Variants in MON2 observed in about 807,000 individuals in gnomAD.
MON2 encodes the protein MON2 regulator of endosome-to-Golgi trafficking, also known as protein MON2 homolog.
A neutral mutation model predicts 208.6 loss-of-function variants in MON2; 84 were observed. That is an observed-to-expected ratio of 0.40 (90% CI 0.34 to 0.48). MON2 has a LOEUF of 0.48. Ranked by LOEUF, MON2 falls within the 20% of genes least tolerant of loss-of-function variation. The pLI, the probability that MON2 is intolerant of heterozygous loss-of-function variation, is 0.59. For missense variants in MON2, 1,611 were observed against 2,015.4 expected, an observed-to-expected ratio of 0.80 and a Z score of 3.84; for synonymous variants, 660 against 694.0, an observed-to-expected ratio of 0.95 and a Z score of 0.77.
chr12:62,501,744 T>G, intron 7 of MON2, 46 bp downstream of exon 7: 1 of 1,600,562 alleles, frequency 6.2e-7, no homozygotes. Flanking sequence ...CTGAATTGTT[T>G]TACAGATATT....
At chr12:62,514,995 G>A (rs1592927386) in intron 8 of MON2, among the ~76,000 whole-genome samples, 1 of 152,194 alleles carries the variant, frequency 6.6e-6, no homozygotes, top group Non-Finnish European at 1.5e-5. Flanking sequence ...ACAAGTGTTG[G>A]CAAGGATGTG....
chr12:62,583,974 AC>A (rs2075101810), intron 32 of MON2, among the ~76,000 whole-genome samples: 3 of 147,140 alleles, frequency 2.0e-5, no homozygotes, highest in African/African-American at 5.0e-5. Flanking sequence ...AAAAAAAAAA[AC>A]AAAAAAAAAA....
At chr12:62,570,737 T>C (rs1044630214) in intron 29 of MON2, among the ~76,000 whole-genome samples, 1 of 134,952 alleles carries the variant, frequency 7.4e-6, no homozygotes, top group African/African-American at 2.8e-5. Context: ...TTTTTTTTTT[T>C]TTTTTTTTTT....
intron 1 of MON2, among the ~76,000 whole-genome samples, chr12:62,477,641 C>T (rs1616217): frequency 6.8e-6 from 1 of 147,494 alleles, no homozygotes; most frequent in South Asian, 2.1e-4. Context: ...GTCACGAGCT[C>T]TGAGGCTCAA....
rs2072314810 is a variant in MON2, at chr12:62,526,048, G to A, written c.1346G>A (p.Gly449Glu). The change falls in exon 11 of 35, where the codon GGA (glycine) becomes GAA (glutamate). Residue 449 changes from glycine (G) to glutamate (E), a missense_variant. Transcript: ENST00000393630. ...TTGCTACCAGCATTTGAATATAGGG[G>A]AACCTGGATACCTATTCTGACAATC... ...VTLLPAFEYR[G>E]TWIPILTITV... is the part of the protein sequence containing the mutation. 6.2e-7 allele frequency: 1 copy of A among 1,613,810 alleles called. No individual in the cohort carries two copies. Among genetic ancestry groups the A allele is most frequent in the Non-Finnish European group, 8.5e-7 (1 of 1,179,818 alleles).
intron 2 of MON2, among the ~76,000 whole-genome samples, chr12:62,488,607 A>G (rs2069934053): frequency 6.6e-6 from 1 of 152,144 alleles, no homozygotes; most frequent in Non-Finnish European, 1.5e-5. Context: ...ATTTCAGTGT[A>G]TCACATTTAG....
At chr12:62,556,288 C>A in intron 25 of MON2, 96 bp downstream of exon 25, 2 of 1,170,312 alleles carry the variant, frequency 1.7e-6, no homozygotes, top group Non-Finnish European at 2.5e-6. Context: ...TTAACTTAGT[C>A]TTTATGTGTG....
intron 22 of MON2, among the ~76,000 whole-genome samples, chr12:62,549,384 C>T (rs1446631799): frequency 6.7e-6 from 1 of 149,722 alleles, no homozygotes; most frequent in Non-Finnish European, 1.5e-5. Context: ...CTTTGGGAGG[C>T]TAAGGCAGGA....
intron 6 of MON2, among the ~76,000 whole-genome samples, chr12:62,501,280 ATAT>A (rs1383026326): frequency 2.0e-5 from 3 of 152,212 alleles, no homozygotes; most frequent in African/African-American, 4.8e-5. Flanking sequence ...TGTACTGAAA[ATAT>A]TATTACTTCG....
chr12:62,483,961 G>T (rs2069606912), intron 1 of MON2, among the ~76,000 whole-genome samples: 1 of 152,212 alleles, frequency 6.6e-6, no homozygotes, highest in South Asian at 2.1e-4. Flanking sequence ...TTCAGAGTTT[G>T]CATGTGAATA....
intron 12 of MON2, 122 bp downstream of exon 12, chr12:62,532,792 C>T: frequency 1.4e-6 from 1 of 700,474 alleles, no homozygotes; most frequent in Non-Finnish European, 2.4e-6. Context: ...CCCACATTTA[C>T]CTTACCATTT....
Position 62,580,276 on chromosome 12 carries a change from C to T in MON2, c.4576-21C>T, listed in dbSNP as rs2074955497. 5 of 1,600,986 alleles carry T rather than the reference C, an allele frequency of 3.1e-6. No individual in the cohort carries two copies. In the African/African-American group the frequency reaches 4.0e-5, roughly 13 times the overall value. On this transcript the variant is annotated intron_variant, in intron 31 of 34. Coordinates refer to ENST00000393630, the MANE Select transcript of MON2 (RefSeq NM_015026.3). Reference sequence around the variant, plus strand: ...TCTTTCAAAGAAAACAATACATTTGCATTTGCCTCTTTTGTTTTAGGTAGT... The same window carrying T: ...TCTTTCAAAGAAAACAATACATTTGTATTTGCCTCTTTTGTTTTAGGTAGT...
At chr12:62,570,459 T>G (rs1452765897) in intron 29 of MON2, among the ~76,000 whole-genome samples, 1 of 152,150 alleles carries the variant, frequency 6.6e-6, no homozygotes, top group Admixed American at 6.6e-5. Context: ...CCCTCACCAT[T>G]AGTGGGAAAA....
intron 22 of MON2, among the ~76,000 whole-genome samples, chr12:62,547,671 C>T (rs180907475): frequency 7.2e-5 from 11 of 152,288 alleles, no homozygotes; most frequent in East Asian, 1.9e-4. Context: ...CCTAACGTTT[C>T]AGTCAACAAC....
intron 8 of MON2, among the ~76,000 whole-genome samples, chr12:62,510,400 A>G (rs961413004): frequency 2.6e-5 from 4 of 152,192 alleles, no homozygotes; most frequent in African/African-American, 9.7e-5. Context: ...AGTACAAGGA[A>G]ACTTAATTCA....
At chr12:62,578,134 C>G (rs567907902) in intron 30 of MON2, among the ~76,000 whole-genome samples, 1 of 152,240 alleles carries the variant, frequency 6.6e-6, no homozygotes, top group South Asian at 2.1e-4. Flanking sequence ...AACTTTTGCT[C>G]TGCTGCAGAT....
At chr12:62,560,036 T>C (rs1246812645) in intron 25 of MON2, 1 of 152,788 alleles carries the variant, frequency 6.5e-6, no homozygotes, top group African/African-American at 2.4e-5. Flanking sequence ...GTTGATTTAA[T>C]TTTCTGTTAT....
chr12:62,490,366 A>T (rs1415974662), intron 2 of MON2, among the ~76,000 whole-genome samples: 2 of 152,030 alleles, frequency 1.3e-5, no homozygotes, highest in African/African-American at 4.8e-5. Flanking sequence ...CTGGAATGAC[A>T]TACAAAATGG....
rs773448395 is a variant in MON2, at chr12:62,494,049, T to G, written c.303+7T>G. ...ACATGAAGTCGTGTCTGAGGTAATA[T>G]GAAGATTTTATCTAAACTTCACCTA... On this transcript the variant is annotated splice_region_variant and intron_variant, in intron 3 of 34. Coordinates refer to ENST00000393630, the MANE Select transcript of MON2 (RefSeq NM_015026.3). 6.2e-7 allele frequency: 1 copy of G among 1,608,252 alleles called. No homozygotes were observed. Among genetic ancestry groups the G allele is most frequent in the African/African-American group, 1.3e-5 (1 of 74,806 alleles).
Sources: allele counts gnomAD v4.1 joint callset (sites outside exome capture counted in the v4.1 genomes callset), GRCh38; gene constraint gnomAD v4.1.1; transcripts MANE v1.5; gene names NCBI Gene and HGNC (gene_info 2026-07-23, HGNC 2026-07-21).